KDM7A: variants seen among roughly 807,000 people sequenced by gnomAD.
The protein encoded by KDM7A is lysine-specific demethylase 7A.
Under a neutral mutation model 114.8 loss-of-function variants are expected in KDM7A, and 28 were observed. The observed-to-expected ratio is 0.24, with a 90% CI of 0.18 to 0.33. The LOEUF (loss-of-function observed/expected upper bound fraction) is 0.33. Among genes scored for constraint, KDM7A ranks in the 10% least tolerant of loss-of-function variants. KDM7A has a pLI of 1.00. For synonymous variants in KDM7A, 423 were observed against 397.8 expected (o/e 1.06, Z -0.75); for missense variants, 942 against 1,142.5 (o/e 0.82, Z 2.53).
intron 1 of KDM7A, among the ~76,000 whole-genome samples, chr7:140,170,285 T>C (rs1031825315): frequency 5.9e-5 from 9 of 152,186 alleles, no homozygotes; most frequent in Non-Finnish European, 8.8e-5. Flanking sequence ...TTTTACATAT[T>C]TACATTAAAG....
intron 12 of KDM7A, among the ~76,000 whole-genome samples, chr7:140,100,691 T>TAC (rs1384000742): frequency 9.5e-5 from 3 of 31,452 alleles, no homozygotes; most frequent in Non-Finnish European, 1.4e-4. Context: ...CATATATACA[T>TAC]ATATATATAT....
chr7:140,154,510 A>AG (rs1794437043), intron 1 of KDM7A, among the ~76,000 whole-genome samples: 1 of 151,222 alleles, frequency 6.6e-6, no homozygotes, highest in Non-Finnish European at 1.5e-5. Flanking sequence ...AAAAAAAAAA[A>AG]AAAAAAAAAA....
At chr7:140,096,312 G>C (rs1481233346) in intron 17 of KDM7A, among the ~76,000 whole-genome samples, 1 of 152,212 alleles carries the variant, frequency 6.6e-6, no homozygotes, top group Admixed American at 6.5e-5. Flanking sequence ...TAACTGGCTT[G>C]CAATAACAAT....
intron 2 of KDM7A, among the ~76,000 whole-genome samples, chr7:140,136,407 G>A (rs1818870854): frequency 6.6e-6 from 1 of 152,158 alleles, no homozygotes; most frequent in Non-Finnish European, 1.5e-5. Flanking sequence ...CATAAAATCA[G>A]CCACTATGTA....
At chr7:140,094,014 T>C (rs2116735917) in intron 18 of KDM7A, 42 bp downstream of exon 18, 2 of 1,165,244 alleles carry the variant, frequency 1.7e-6, no homozygotes, top group South Asian at 1.2e-5. Context: ...ACGTTAATGA[T>C]CATTTTAAAT....
chr7:140,127,233 T>C (rs773019412), intron 5 of KDM7A, among the ~76,000 whole-genome samples: 64 of 152,246 alleles, frequency 4.2e-4, no homozygotes, highest in Admixed American at 1.8e-3. Flanking sequence ...AATGCTGGGA[T>C]TAAGGCATAA....
At chr7:140,161,861 A>C (rs1794523275) in intron 1 of KDM7A, among the ~76,000 whole-genome samples, 1 of 152,082 alleles carries the variant, frequency 6.6e-6, no homozygotes, top group Non-Finnish European at 1.5e-5. Flanking sequence ...AAAGTATTCA[A>C]GGGATACTGT....
intron 12 of KDM7A, among the ~76,000 whole-genome samples, chr7:140,100,703 T>TACAC (rs1818197782): frequency 2.6e-5 from 1 of 38,028 alleles, no homozygotes; most frequent in Non-Finnish European, 5.8e-5. Flanking sequence ...TATATATATA[T>TACAC]ATATACACAT....
Position 140,089,623 on chromosome 7 carries a change from A to G in KDM7A, c.*1471T>C, listed in dbSNP as rs1230766901. ...TTGGGAACATTTCTGCCCCACCCCCAGAAATCACTTATTTTTATGCCATGG... is the reference window on the plus strand; with the variant it reads ...TTGGGAACATTTCTGCCCCACCCCCGGAAATCACTTATTTTTATGCCATGG... On this transcript the variant is annotated 3_prime_UTR_variant, in exon 20 of 20. Coordinates refer to ENST00000397560, the MANE Select transcript of KDM7A (RefSeq NM_030647.2). 6.6e-6 allele frequency: 1 copy of G among 152,202 alleles called. No individual in the cohort carries two copies. Among genetic ancestry groups the G allele is most frequent in the African/African-American group, 2.4e-5 (1 of 41,456 alleles). The allele number at this position is 152,202 out of a possible 1,614,324, so 9.4% of individuals were successfully genotyped here.
chr7:140,176,884 C>T lies in KDM7A; in HGVS notation c.54G>A (p.Ala18=). The change falls in exon 1 of 20, where the codon GCG becomes GCA. Residue 18 remains alanine (A), a synonymous_variant. Coordinates refer to ENST00000397560, the MANE Select transcript of KDM7A (RefSeq NM_030647.2). This position sits in a 1 kb window ranked among gnomAD's most constrained non-coding sequence, Gnocchi z 4.4. ...VAAGAAAGAA[A]AAVSVAAPGR... is the part of the protein sequence containing the mutation. Reference sequence around the variant, plus strand: ...CGGGAGCCGCCACCGACACGGCTGCCGCGGCGGCTCCAGCTGCTGCTCCCG... The same window carrying T: ...CGGGAGCCGCCACCGACACGGCTGCTGCGGCGGCTCCAGCTGCTGCTCCCG... 1 of 1,207,262 alleles carries T rather than the reference C, an allele frequency of 8.3e-7. No individual in the cohort carries two copies. Among genetic ancestry groups the T allele is most frequent in the African/African-American group, 1.6e-5 (1 of 61,900 alleles). The allele number at this position is 1,207,262 out of a possible 1,614,324, so 74.8% of individuals were successfully genotyped here.
chr7:140,091,007 C>T lies in KDM7A; in HGVS notation c.*87G>A. On this transcript the variant is annotated 3_prime_UTR_variant, in exon 20 of 20. Coordinates refer to ENST00000397560, the MANE Select transcript of KDM7A (RefSeq NM_030647.2). ...GTGTTCTTACTATACACACAAACTG[C>T]TCCAGGCAGGGGGACAGCGGAAGCT... 1 of 919,788 alleles carries T rather than the reference C, an allele frequency of 1.1e-6. No individual in the cohort carries two copies. Among genetic ancestry groups the T allele is most frequent in the East Asian group, 2.4e-5 (1 of 41,576 alleles). 57.0% of individuals were successfully genotyped at this position (919,788 alleles called of 1,614,324 possible). A position where few individuals can be genotyped will look rare whatever the true frequency, so the allele number is the denominator to read the frequency against.
chr7:140,109,076 A>C (rs1361350797), intron 11 of KDM7A, among the ~76,000 whole-genome samples: 1 of 152,172 alleles, frequency 6.6e-6, no homozygotes, highest in Non-Finnish European at 1.5e-5. Context: ...GAGCCAGCGC[A>C]GGATATAACG....
At chr7:140,109,522 T>C (rs555082534) in intron 11 of KDM7A, among the ~76,000 whole-genome samples, 32 of 152,338 alleles carry the variant, frequency 2.1e-4, no homozygotes, top group African/African-American at 7.2e-4. Context: ...TTGGCTATTG[T>C]GGATAATGCT....
chr7:140,133,370 T>G (rs1818820350), intron 3 of KDM7A, among the ~76,000 whole-genome samples, 169 bp downstream of exon 3: 1 of 152,222 alleles, frequency 6.6e-6, no homozygotes, highest in Non-Finnish European at 1.5e-5. Flanking sequence ...TTTCTTGGAA[T>G]GTACTGATAC....
chr7:140,128,583 T>G (rs1467516529), intron 4 of KDM7A, among the ~76,000 whole-genome samples: 1 of 152,208 alleles, frequency 6.6e-6, no homozygotes, highest in Non-Finnish European at 1.5e-5. Context: ...AGGTTAATCC[T>G]TAGCCCCATC....
intron 6 of KDM7A, among the ~76,000 whole-genome samples, chr7:140,125,876 C>G (rs1320915208): frequency 1.3e-5 from 2 of 151,764 alleles, no homozygotes; most frequent in Non-Finnish European, 2.9e-5. Flanking sequence ...GCTGTGACTA[C>G]AAGCATGAGC....
chr7:140,162,188 C>T (rs542132409), intron 1 of KDM7A, among the ~76,000 whole-genome samples: 56 of 151,924 alleles, frequency 3.7e-4, no homozygotes, highest in Non-Finnish European at 6.0e-4. Context: ...ATACAAATTT[C>T]GCCGGGCATA....
chr7:140,131,938 T>C (rs1181196916), intron 3 of KDM7A, among the ~76,000 whole-genome samples: 3 of 152,144 alleles, frequency 2.0e-5, no homozygotes, highest in Non-Finnish European at 4.4e-5. Context: ...TGCATACATA[T>C]GGAAGGATAT....
intron 1 of KDM7A, among the ~76,000 whole-genome samples, chr7:140,172,372 G>A (rs989472938): frequency 1.3e-5 from 2 of 152,156 alleles, no homozygotes; most frequent in Admixed American, 1.3e-4. Flanking sequence ...GTAGTAAACA[G>A]GTCAGGCGCG....
Sources: gnomAD v4.1 joint callset for allele counts (sites outside exome capture counted in the v4.1 genomes callset) on GRCh38, gnomAD v4.1.1 for gene constraint, Gnocchi (gnomAD v3.1) non-coding constraint, MANE v1.5 for transcripts, NCBI Gene and HGNC (gene_info 2026-07-23, HGNC 2026-07-21) for gene names.